PFKP: variants seen among roughly 807,000 people sequenced by gnomAD.
PFKP encodes phosphofructokinase, platelet.
Under a neutral mutation model 94.3 loss-of-function variants are expected in PFKP, and 101 were observed. The observed-to-expected ratio is 1.07, with a 90% CI of 0.91 to 1.26. PFKP has a LOEUF of 1.26. PFKP is among the 50% of genes most tolerant of loss of function. The pLI, the probability that PFKP is intolerant of heterozygous loss-of-function variation, is 0.00. For missense variants in PFKP, 1,145 were observed against 1,103.3 expected (o/e 1.04, Z -0.53); for synonymous variants, 573 against 432.6 (o/e 1.32, Z -4.03).
At chr10:3,100,063 G>T (rs1208230988) in intron 3 of PFKP, among the ~76,000 whole-genome samples, 2 of 146,302 alleles carry the variant, frequency 1.4e-5, no homozygotes, top group African/African-American at 5.4e-5. Context: ...TGTGGTGTGT[G>T]TGTGTGTGTG....
chr10:3,094,715 C>T (rs560627047), intron 2 of PFKP, among the ~76,000 whole-genome samples: 11 of 152,294 alleles, frequency 7.2e-5, no homozygotes, highest in South Asian at 6.2e-4. Context: ...TAGTTTGGAA[C>T]GCTGGTGTTT....
At chr10:3,133,732 A>C (rs1363334012) in intron 19 of PFKP, among the ~76,000 whole-genome samples, 1 of 152,232 alleles carries the variant, frequency 6.6e-6, no homozygotes, top group Non-Finnish European at 1.5e-5. Context: ...TGCCCAGCCA[A>C]AACATCTGAA....
intron 15 of PFKP, 123 bp downstream of exon 15, chr10:3,118,992 G>A: frequency 3.0e-6 from 2 of 677,086 alleles, no homozygotes; most frequent in Non-Finnish European, 5.0e-6. Context: ...AGACCCAGCG[G>A]CCACTGGAGA....
intron 13 of PFKP, among the ~76,000 whole-genome samples, chr10:3,115,979 G>A (rs1337044521): frequency 1.3e-5 from 2 of 152,156 alleles, no homozygotes; most frequent in East Asian, 1.9e-4. Context: ...ATGAGGAACC[G>A]TTCTGTCCTG....
At chr10:3,090,869 C>T (rs1833993780) in intron 2 of PFKP, among the ~76,000 whole-genome samples, 2 of 152,128 alleles carry the variant, frequency 1.3e-5, no homozygotes, top group South Asian at 4.1e-4. Flanking sequence ...ATTTATCCAA[C>T]AGATTTTTTT....
intron 19 of PFKP, 36 bp downstream of exon 19, chr10:3,133,350 C>T: frequency 8.0e-7 from 1 of 1,244,664 alleles, no homozygotes. Flanking sequence ...CACAAAGCCC[C>T]TGTCATGTGA....
chr10:3,114,140 C>T (rs1836552117), intron 13 of PFKP, among the ~76,000 whole-genome samples: 1 of 141,880 alleles, frequency 7.0e-6, no homozygotes, highest in Admixed American at 7.5e-5. Context: ...CAACAAATAC[C>T]TACTTTGTGA....
At position 3,135,619 on chromosome 10, in the gene PFKP, C is replaced by G. The variant is rs374204927; in HGVS notation, c.2123-117C>G. On this transcript the variant is annotated intron_variant, in intron 20 of 21. Coordinates refer to ENST00000381125, the MANE Select transcript of PFKP (RefSeq NM_002627.5). ...GCTGTTCTCAGTCTCACTGGGCTTC[C>G]AGGCCGGGTTCAGCATGGTTCTGAG... is the stretch of plus-strand genomic sequence containing the variant. 1.9e-4 allele frequency: 122 copies of G among 650,640 alleles called. No individual in the cohort carries two copies. The East Asian group carries it at 2.3e-3, about 12-fold the overall frequency. The allele number at this position is 650,640 out of a possible 1,614,324, so 40.3% of individuals were successfully genotyped here.
chr10:3,112,682 C>T (rs1447236406), intron 11 of PFKP, among the ~76,000 whole-genome samples: 1 of 152,208 alleles, frequency 6.6e-6, no homozygotes, highest in African/African-American at 2.4e-5. Flanking sequence ...CTCAGCCTCC[C>T]AAGTAGCTGC....
At chr10:3,079,059 C>T (rs533197919) in intron 1 of PFKP, among the ~76,000 whole-genome samples, 74 of 152,282 alleles carry the variant, frequency 4.9e-4, no homozygotes, top group African/African-American at 1.7e-3. Flanking sequence ...GGGGGTGCTG[C>T]GGCCGCTGAT....
At chr10:3,077,249 C>CTTTTTTTTTTTATTTTT (rs35306351) in intron 1 of PFKP, among the ~76,000 whole-genome samples, 1 of 108,178 alleles carries the variant, frequency 9.2e-6, no homozygotes, top group Non-Finnish European at 1.8e-5. Context: ...CTATTCTTTA[C>CTTTTTTTTTTTATTTTT]TTTTTTTTTT....
intron 16 of PFKP, chr10:3,124,976 T>C: frequency 1.3e-6 from 1 of 796,076 alleles, no homozygotes; most frequent in Non-Finnish European, 1.6e-6. Flanking sequence ...TTGACCCGCA[T>C]GAACCGGCTT....
In PFKP at chr10:3,101,534, T is replaced by TTTTTTAA; in HGVS notation, c.434_435insTTTTTAA (p.Glu146PhefsTer2). 1.3e-6 allele frequency: 2 copies of TTTTTTAA among 1,556,934 alleles called. No individual in the cohort carries two copies. Among genetic ancestry groups the TTTTTTAA allele is most frequent in the Non-Finnish European group, 1.7e-6 (2 of 1,150,712 alleles). ...TTCCGGAAGGAGTGGAGTGGGCTGCTGGAGGAGCTGGCCAGGAACGGTGAG... is the reference window on the plus strand; with the variant it reads ...TTCCGGAAGGAGTGGAGTGGGCTGCTTTTTTAAGGAGGAGCTGGCCAGGAACGGTGAG... On this transcript the variant is annotated stop_gained and frameshift_variant, in exon 4 of 22. Coordinates refer to ENST00000381125, the MANE Select transcript of PFKP (RefSeq NM_002627.5). LOFTEE classifies it high-confidence loss of function.
intron 16 of PFKP, among the ~76,000 whole-genome samples, chr10:3,126,397 G>T (rs1382977441): frequency 2.0e-5 from 3 of 152,192 alleles, no homozygotes; most frequent in Non-Finnish European, 4.4e-5. Context: ...CCCCTGTTGG[G>T]TGAATGCCAT....
chr10:3,078,257 C>T (rs1005768792), intron 1 of PFKP, among the ~76,000 whole-genome samples: 13 of 140,616 alleles, frequency 9.2e-5, no homozygotes, highest in Non-Finnish European at 1.6e-4. Flanking sequence ...CAGGTGTGCA[C>T]GTCTGCCTGC....
intron 2 of PFKP, among the ~76,000 whole-genome samples, chr10:3,085,897 C>A (rs573320905): frequency 7.8e-6 from 1 of 128,202 alleles, no homozygotes; most frequent in Non-Finnish European, 1.7e-5. Flanking sequence ...TGGCGGTCAC[C>A]TGCACCTGAC....
chr10:3,130,907 TC>T (rs1342529444), intron 17 of PFKP, among the ~76,000 whole-genome samples: 2 of 152,092 alleles, frequency 1.3e-5, no homozygotes, highest in Non-Finnish European at 1.5e-5. Context: ...GCCAAATAGA[TC>T]AAGTAAAAAG....
chr10:3,107,785 A>ACAGGCTTTGG (rs548243525), intron 8 of PFKP: 12 of 1,199,260 alleles, frequency 1.0e-5, no homozygotes, highest in East Asian at 5.8e-5. Flanking sequence ...CTGCCTGGGA[A>ACAGGCTTTGG]CAGGCTTTGG....
intron 1 of PFKP, chr10:3,068,757 C>T (rs1588365440): frequency 1.1e-6 from 1 of 931,336 alleles, no homozygotes; most frequent in African/African-American, 1.8e-5. Context: ...ATCGGCGCTT[C>T]CCAGGCGAAC....
Sources: allele counts gnomAD v4.1 joint callset (sites outside exome capture counted in the v4.1 genomes callset), GRCh38; gene constraint gnomAD v4.1.1; transcripts MANE v1.5; gene names NCBI Gene and HGNC (gene_info 2026-07-23, HGNC 2026-07-21).